ERGIC3: variants seen among roughly 807,000 people sequenced by gnomAD.
ERGIC3 encodes endoplasmic reticulum-Golgi intermediate compartment protein 3.
ERGIC3 carries 33 observed loss-of-function variants against 54.7 expected under a neutral mutation model. That is an observed-to-expected ratio of 0.60 (90% CI 0.46 to 0.81). The LOEUF (loss-of-function observed/expected upper bound fraction) is 0.81. Among genes scored for constraint, ERGIC3 ranks in the 30% least tolerant of loss-of-function variants. The probability of loss-of-function intolerance (pLI) is 0.00; values close to 1 mark genes in which losing one functional copy is unlikely to be tolerated. For synonymous variants in ERGIC3, 186 were observed against 189.8 expected, an observed-to-expected ratio of 0.98 and a Z score of 0.16; for missense variants, 399 against 488.4, an observed-to-expected ratio of 0.82 and a Z score of 1.73.
chr20:35,556,557 G>A, intron 10 of ERGIC3: 1 of 518,330 alleles, frequency 1.9e-6, no homozygotes, highest in Non-Finnish European at 3.5e-6. Context: ...GCCTGGGCTG[G>A]GGGTTAGGCA....
chr20:35,554,486 C>T (rs60267524), intron 7 of ERGIC3: 224,919 of 1,327,106 alleles, frequency 0.17, 20,327 homozygotes, highest in South Asian at 0.29. Flanking sequence ...ATTGGGTCTC[C>T]TCTGACCTGG....
At chr20:35,544,049 TC>T (rs2064633547) in intron 4 of ERGIC3, 1 of 222,262 alleles carries the variant, frequency 4.5e-6, no homozygotes, top group African/African-American at 2.3e-5. Flanking sequence ...TATCTATCTA[TC>T]TATCTATCTA....
chr20:35,547,727 C>A (rs2064656929), intron 5 of ERGIC3, among the ~76,000 whole-genome samples: 3 of 152,230 alleles, frequency 2.0e-5, no homozygotes. Flanking sequence ...GGTCTCTGCT[C>A]TTCCACCTAG....
At chr20:35,542,212 G>GTCC (rs1346508478) in intron 1 of ERGIC3, 27 bp downstream of exon 1, 3 of 1,587,726 alleles carry the variant, frequency 1.9e-6, no homozygotes, top group Non-Finnish European at 1.7e-6. Context: ...CCGGGGTCGC[G>GTCC]TGGAGGGGGG....
chr20:35,543,988 G>C, intron 4 of ERGIC3: 1 of 291,280 alleles, frequency 3.4e-6, no homozygotes, highest in East Asian at 8.2e-5. Flanking sequence ...AGTCATCTAA[G>C]GATTGATGGG....
At chr20:35,556,312 C>A in intron 10 of ERGIC3, 41 bp downstream of exon 10, 1 of 1,603,252 alleles carries the variant, frequency 6.2e-7, no homozygotes, top group Non-Finnish European at 8.5e-7. Flanking sequence ...CTGCGCGGTG[C>A]CAAGCACTGG....
intron 7 of ERGIC3, among the ~76,000 whole-genome samples, chr20:35,553,019 G>GTTGTTTTTTTTTT (rs2064689546): frequency 7.9e-5 from 1 of 12,632 alleles, no homozygotes; most frequent in African/African-American, 1.8e-4. Context: ...CAAAGCTGGG[G>GTTGTTTTTTTTTT]ATTTTTTTTT....
chr20:35,557,532 C>CTT lies in ERGIC3; in HGVS notation c.*30_*31dup. The CTT allele has an allele frequency of 6.2e-7, 1 of 1,604,102 alleles. No individual in the cohort carries two copies. Among genetic ancestry groups the CTT allele is most frequent in the Non-Finnish European group, 8.5e-7 (1 of 1,171,330 alleles). ...ACCCTCGGTGCTTCCTCTGTCTCCT[C>CTT]TTTCTCCCTGGCCTGTGGTTGTCCC... On this transcript the variant is annotated 3_prime_UTR_variant, in exon 13 of 13. Coordinates refer to ENST00000348547, the MANE Select transcript of ERGIC3 (RefSeq NM_015966.3).
At chr20:35,545,440 A>T (rs1418765714) in intron 4 of ERGIC3, 1 of 151,926 alleles carries the variant, frequency 6.6e-6, no homozygotes, top group Non-Finnish European at 1.5e-5. Context: ...GGTGGTGGGC[A>T]CCTGTAATCC....
intron 5 of ERGIC3, 142 bp from the exon 6 acceptor site, chr20:35,548,367 C>A (rs2064662346): frequency 1.1e-6 from 1 of 880,254 alleles, no homozygotes; most frequent in Admixed American, 3.0e-5. Flanking sequence ...TGAGGAAACA[C>A]ATTTGGAGAA....
At chr20:35,549,138 T>A (rs2064668206) in intron 7 of ERGIC3, 4 of 417,718 alleles carry the variant, frequency 9.6e-6, no homozygotes, top group Non-Finnish European at 1.8e-5. Flanking sequence ...CTTTATAAAA[T>A]GTTGTGAGGG....
At chr20:35,548,439 C>CT (rs1225163658) in intron 5 of ERGIC3, 70 bp from the exon 6 acceptor site, 1 of 1,549,244 alleles carries the variant, frequency 6.5e-7, no homozygotes, top group Non-Finnish European at 8.8e-7. Context: ...TGCTCGGGCT[C>CT]TATTTCCCCA....
Position 35,548,572 on chromosome 20 carries a change from C to T in ERGIC3, c.525C>T (p.Asn175=), listed in dbSNP as rs531605955. The T allele has an allele frequency of 6.2e-7, 1 of 1,614,234 alleles. No individual in the cohort carries two copies. Among genetic ancestry groups the T allele is most frequent in the East Asian group, 2.2e-5 (1 of 44,886 alleles). The change falls in exon 6 of 13, where the codon AAC becomes AAT. Residue 175 remains asparagine, a synonymous_variant. Coordinates refer to ENST00000348547, the MANE Select transcript of ERGIC3 (RefSeq NM_015966.3). ...AYRRRGWAFK[N]PDTIEQCRRE... ...GCCGTAGAGGCTGGGCCTTCAAGAA[C>T]CCAGATACTATTGAGCAGTGCCGGC... is the stretch of plus-strand genomic sequence containing the variant.
intron 4 of ERGIC3, chr20:35,543,494 G>C (rs45481196): frequency 2.4e-6 from 1 of 419,670 alleles, no homozygotes; most frequent in Non-Finnish European, 4.9e-6. Context: ...AAAATGCCTG[G>C]TACAGAGTGG....
At position 35,556,845 on chromosome 20, in the gene ERGIC3, A is replaced by AC. The variant is rs779728692; in HGVS notation, c.880-127dup. ...AGGCCTTGCAGTGCAGGCCACTAGC[A>AC]CGGTGCTGTGTTCTCTCCTTACACG... On this transcript the variant is annotated intron_variant, in intron 10 of 12. Transcript: ENST00000348547. 17 of 1,327,384 alleles carry AC rather than the reference A, an allele frequency of 1.3e-5. No homozygotes were observed. The South Asian group carries it at 1.9e-4, about 15-fold the overall frequency. 82.2% of individuals were successfully genotyped at this position (1,327,384 alleles called of 1,614,324 possible).
At chr20:35,557,318 TG>T in intron 12 of ERGIC3, 69 bp downstream of exon 12, 1 of 1,611,880 alleles carries the variant, frequency 6.2e-7, no homozygotes, top group Admixed American at 1.7e-5. Flanking sequence ...CAGGTTTGGT[TG>T]GGGGTGAAGG....
chr20:35,556,072 G>A lies in ERGIC3; in HGVS notation c.757G>A (p.Glu253Lys). 6.2e-7 allele frequency: 1 copy of A among 1,614,148 alleles called. No individual in the cohort carries two copies. Among genetic ancestry groups the A allele is most frequent in the Non-Finnish European group, 8.5e-7 (1 of 1,180,026 alleles). ...CTACATCCAGCACCTGTCATTTGGGGAGGACTATCCAGGCATTGTGAACCC... is the reference window on the plus strand; with the variant it reads ...CTACATCCAGCACCTGTCATTTGGGAAGGACTATCCAGGCATTGTGAACCC... Reference protein sequence around the residue: ...THYIQHLSFGEDYPGIVNPLD... With the variant: ...THYIQHLSFGKDYPGIVNPLD... Residue 253 changes from glutamate to lysine, a missense_variant, in exon 9 of 13, where the codon GAG becomes AAG. By Grantham distance (56) the Glu-to-Lys change is moderately conservative (BLOSUM62 1). Transcript: ENST00000348547.
rs1473478851 is a variant in ERGIC3 at position 35,556,955 on chromosome 20, G to C, written c.880-18G>C. 2 of 1,613,936 alleles carry C rather than the reference G, an allele frequency of 1.2e-6. No homozygotes were observed. Among genetic ancestry groups the C allele is most frequent in the Non-Finnish European group, 1.7e-6 (2 of 1,179,912 alleles). ...GGTCCTAGCCCTAGCCCTGGCCCAG[G>C]CTCCCCTCCCACCCCAGGTACTGAG... On this transcript the variant is annotated intron_variant, in intron 10 of 12. Transcript: ENST00000348547.
intron 10 of ERGIC3, chr20:35,556,523 C>T: frequency 1.8e-6 from 1 of 547,750 alleles, no homozygotes; most frequent in South Asian, 2.1e-5. Flanking sequence ...CACCGTCTGC[C>T]TGCCTCACTG....
Sources: gnomAD v4.1 joint callset for allele counts (sites outside exome capture counted in the v4.1 genomes callset) on GRCh38, gnomAD v4.1.1 for gene constraint, MANE v1.5 for transcripts, NCBI Gene and HGNC (gene_info 2026-07-23, HGNC 2026-07-21) for gene names.